Variants in FMN2 observed in about 807,000 individuals in gnomAD.
FMN2 encodes formin-2.
Under a neutral mutation model 142.3 loss-of-function variants are expected in FMN2, and 51 were observed. That is an observed-to-expected ratio of 0.36 (90% CI 0.29 to 0.45). FMN2 has a LOEUF of 0.45. FMN2 is among the 20% of genes least tolerant of loss of function. The pLI, the probability that FMN2 is intolerant of heterozygous loss-of-function variation, is 1.00. For missense variants in FMN2, 1,936 were observed against 2,122.8 expected, an observed-to-expected ratio of 0.91 and a Z score of 1.73; for synonymous variants, 882 against 869.8, an observed-to-expected ratio of 1.01 and a Z score of -0.25.
chr1:240,439,279 A>AAAAAAAAAAAAAAAGAAAG (rs555074808), intron 16 of FMN2, among the ~76,000 whole-genome samples: 36 of 124,748 alleles, frequency 2.9e-4, no homozygotes, highest in South Asian at 5.5e-4. Flanking sequence ...TCAAAAAAAA[A>AAAAAAAAAAAAAAAGAAAG]AAAGAAAGAA....
chr1:240,209,093 A>G (rs554913207), intron 5 of FMN2, among the ~76,000 whole-genome samples: 2 of 152,168 alleles, frequency 1.3e-5, no homozygotes, highest in Non-Finnish European at 2.9e-5. Flanking sequence ...CAGTGAAAGT[A>G]TGCTTATATG....
chr1:240,335,304 C>CA, intron 13 of FMN2, among the ~76,000 whole-genome samples: 1 of 152,288 alleles, frequency 6.6e-6, no homozygotes, highest in African/African-American at 2.4e-5. Flanking sequence ...CAAGTTGGTG[C>CA]TCATTGACTG....
At chr1:240,142,115 T>C (rs1420933587) in intron 2 of FMN2, among the ~76,000 whole-genome samples, 1 of 152,176 alleles carries the variant, frequency 6.6e-6, no homozygotes, top group Admixed American at 6.5e-5. Context: ...TCCCTGTAGC[T>C]TTGAAGTTAC....
chr1:240,332,211 T>C (rs1229994194), intron 11 of FMN2, among the ~76,000 whole-genome samples: 1 of 152,028 alleles, frequency 6.6e-6, no homozygotes, highest in Admixed American at 6.6e-5. Context: ...ATGTGTATGA[T>C]ACACATTTTC....
chr1:240,227,252 A>G (rs1054754388), intron 6 of FMN2, among the ~76,000 whole-genome samples: 3 of 152,190 alleles, frequency 2.0e-5, no homozygotes, highest in Non-Finnish European at 4.4e-5. Flanking sequence ...TTAAAAAAGA[A>G]TTTTACACTG....
At chr1:240,174,956 T>C (rs1329473582) in intron 2 of FMN2, among the ~76,000 whole-genome samples, 1 of 152,232 alleles carries the variant, frequency 6.6e-6, no homozygotes, top group Non-Finnish European at 1.5e-5. Context: ...ACTGAAAGTC[T>C]GTACCCGTTA....
At chr1:240,190,957 T>C (rs1303381120) in intron 4 of FMN2, among the ~76,000 whole-genome samples, 1 of 152,234 alleles carries the variant, frequency 6.6e-6, no homozygotes, top group East Asian at 1.9e-4. Context: ...TGCTTTTTCC[T>C]TCTTAGTCAC....
At chr1:240,168,241 C>T (rs187246514) in intron 2 of FMN2, among the ~76,000 whole-genome samples, 33 of 152,180 alleles carry the variant, frequency 2.2e-4, no homozygotes, top group Admixed American at 2.2e-3. Context: ...AGTAGATCTA[C>T]CTTTTATCCA....
intron 11 of FMN2, among the ~76,000 whole-genome samples, chr1:240,333,423 GC>G (rs2103018064): frequency 6.6e-6 from 1 of 152,202 alleles, no homozygotes; most frequent in Non-Finnish European, 1.5e-5. Flanking sequence ...ATGATACTTA[GC>G]TTTTTTATTT....
intron 2 of FMN2, among the ~76,000 whole-genome samples, chr1:240,128,192 G>T (rs1362005785): frequency 6.6e-6 from 1 of 152,120 alleles, no homozygotes; most frequent in Non-Finnish European, 1.5e-5. Context: ...TATTTCAGTG[G>T]TCTGAAGCTA....
intron 2 of FMN2, among the ~76,000 whole-genome samples, chr1:240,166,966 A>G (rs9661290): frequency 0.16 from 24,578 of 152,080 alleles, 2,399 homozygotes; most frequent in Middle Eastern, 0.26. Flanking sequence ...TACCAAAAAT[A>G]CAAAAATTAG....
intron 14 of FMN2, among the ~76,000 whole-genome samples, chr1:240,368,082 A>G (rs973856237): frequency 3.3e-5 from 5 of 152,150 alleles, no homozygotes; most frequent in Non-Finnish European, 7.4e-5. Context: ...ATACTATTCC[A>G]TTAGCCTATT....
intron 2 of FMN2, among the ~76,000 whole-genome samples, chr1:240,128,092 A>G (rs903726430): frequency 2.0e-5 from 3 of 152,202 alleles, no homozygotes; most frequent in African/African-American, 4.8e-5. Context: ...GGAGGAGGAT[A>G]TAAGGATAGA....
intron 8 of FMN2, among the ~76,000 whole-genome samples, chr1:240,315,797 C>A (rs1003063062): frequency 2.6e-5 from 4 of 151,608 alleles, no homozygotes; most frequent in African/African-American, 9.7e-5. Context: ...TCTTGAAAAG[C>A]TAGTTTTCAA....
At chr1:240,317,221 C>T (rs1327001098) in intron 8 of FMN2, among the ~76,000 whole-genome samples, 1 of 151,962 alleles carries the variant, frequency 6.6e-6, no homozygotes, top group Non-Finnish European at 1.5e-5. Flanking sequence ...GAGGCTAAGG[C>T]AGGAGAATTG....
At chr1:240,359,695 T>G (rs914670592) in intron 14 of FMN2, among the ~76,000 whole-genome samples, 4 of 152,216 alleles carry the variant, frequency 2.6e-5, no homozygotes, top group Admixed American at 6.5e-5. Context: ...ATTTAGAGAA[T>G]TTAGCCCTAC....
intron 2 of FMN2, among the ~76,000 whole-genome samples, chr1:240,150,885 T>A (rs1049374874): frequency 6.6e-6 from 1 of 152,204 alleles, no homozygotes; most frequent in Admixed American, 6.5e-5. Context: ...TTTGGAATAA[T>A]CATTACAGGC....
chr1:240,471,673 G>A, intron 16 of FMN2: 1 of 153,320 alleles, frequency 6.5e-6, no homozygotes, highest in Non-Finnish European at 1.5e-5. Context: ...ACCGCGCCCA[G>A]CCGGCATGTA....
At chr1:240,149,182 T>C (rs1663658843) in intron 2 of FMN2, among the ~76,000 whole-genome samples, 1 of 152,192 alleles carries the variant, frequency 6.6e-6, no homozygotes, top group African/African-American at 2.4e-5. Flanking sequence ...TTATCAAAGT[T>C]TCAAACAACC....
Sources: gnomAD v4.1 joint callset for allele counts (sites outside exome capture counted in the v4.1 genomes callset) on GRCh38, gnomAD v4.1.1 for gene constraint, MANE v1.5 for transcripts, NCBI Gene and HGNC (gene_info 2026-07-23, HGNC 2026-07-21) for gene names.